The following TNRC6C variants were observed in gnomAD, a reference collection of about 807,000 sequenced individuals.
TNRC6C encodes trinucleotide repeat-containing gene 6C protein.
TNRC6C carries 20 observed loss-of-function variants against 153.7 expected under a neutral mutation model. That is an observed-to-expected ratio of 0.13 (90% CI 0.09 to 0.19). The LOEUF (loss-of-function observed/expected upper bound fraction) is 0.19. TNRC6C is among the 10% of genes least tolerant of loss of function. The pLI, the probability that TNRC6C is intolerant of heterozygous loss-of-function variation, is 1.00. For missense variants in TNRC6C, 1,987 were observed against 2,172.0 expected (o/e 0.91, Z 1.69); for synonymous variants, 811 against 841.4 (o/e 0.96, Z 0.63).
exon 3 of TNRC6C, chr17:78,048,967 G>A: frequency 7.2e-7 from 1 of 1,386,984 alleles, no homozygotes; most frequent in Non-Finnish European, 9.4e-7. Flanking sequence ...TGACAAGGAG[G>A]CGTGGCCTTC....
intron 1 of TNRC6C, among the ~76,000 whole-genome samples, chr17:78,017,591 C>T (rs1321143990): frequency 6.6e-6 from 1 of 152,212 alleles, no homozygotes; most frequent in African/African-American, 2.4e-5. Context: ...GAGTTTCTCT[C>T]TGAAACTGGA....
intron 3 of TNRC6C, among the ~76,000 whole-genome samples, chr17:78,053,559 G>A (rs2072581258): frequency 6.6e-6 from 1 of 151,832 alleles, no homozygotes; most frequent in African/African-American, 2.4e-5. Context: ...AACCCAGGAG[G>A]CGGAGGTTGC....
intron 1 of TNRC6C, among the ~76,000 whole-genome samples, chr17:77,968,355 T>C (rs2070914994): frequency 6.6e-6 from 1 of 150,854 alleles, no homozygotes; most frequent in African/African-American, 2.4e-5. Context: ...TTGTTGTTGT[T>C]GTTTGAGACG....
intron 1 of TNRC6C, among the ~76,000 whole-genome samples, chr17:78,007,091 C>T (rs749265019): frequency 4.3e-4 from 66 of 152,024 alleles, no homozygotes; most frequent in Non-Finnish European, 7.8e-4. Context: ...GATTCCCCCC[C>T]ACCTCGGCCT....
chr17:77,999,268 G>A (rs1260184375), upstream of TNRC6C, among the ~76,000 whole-genome samples: 1 of 152,162 alleles, frequency 6.6e-6, no homozygotes, highest in Non-Finnish European at 1.5e-5. Flanking sequence ...CGAAAGATGG[G>A]TTTCTCTTGG....
intron 1 of TNRC6C, among the ~76,000 whole-genome samples, chr17:77,974,000 A>G (rs1352154861): frequency 7.3e-6 from 1 of 137,396 alleles, no homozygotes; most frequent in South Asian, 2.7e-4. Flanking sequence ...TGACAGGCCA[A>G]TTCTAAAATT....
At chr17:77,958,434 CCGCG>C (rs2070828622), upstream of TNRC6C, among the ~76,000 whole-genome samples, 10 of 151,912 alleles carry the variant, frequency 6.6e-5, no homozygotes, top group Admixed American at 3.3e-4. Context: ...GGCGCGCTCC[CCGCG>C]CGGTGCAGGG....
At chr17:78,000,324 T>C (rs1376174035), upstream of TNRC6C, among the ~76,000 whole-genome samples, 2 of 152,236 alleles carry the variant, frequency 1.3e-5, no homozygotes, top group Middle Eastern at 3.2e-3. Context: ...TTAGATTTTA[T>C]GCTCAAGGCT....
upstream of TNRC6C, chr17:78,005,034 TTCTC>T (rs2071472069): frequency 3.3e-6 from 4 of 1,213,802 alleles, no homozygotes; most frequent in African/African-American, 3.1e-5. Context: ...CTTTCTTTCT[TTCTC>T]TCTCTTTTTT....
At chr17:77,980,675 G>A (rs2071063052) in intron 1 of TNRC6C, among the ~76,000 whole-genome samples, 1 of 152,186 alleles carries the variant, frequency 6.6e-6, no homozygotes, top group African/African-American at 2.4e-5. Context: ...GACACCAGTT[G>A]CAAGTCTGGG....
upstream of TNRC6C, among the ~76,000 whole-genome samples, chr17:78,000,618 G>GCCCC (rs35005797): frequency 1.5e-4 from 2 of 13,044 alleles, no homozygotes; most frequent in African/African-American, 3.5e-4. Flanking sequence ...TTCTCCCTCC[G>GCCCC]CCCCCCCCCC....
intron 3 of TNRC6C, among the ~76,000 whole-genome samples, chr17:78,056,096 C>A (rs1196474515): frequency 6.6e-6 from 1 of 151,948 alleles, no homozygotes; most frequent in Non-Finnish European, 1.5e-5. Context: ...GCCATCCTCT[C>A]ACTTTGGCCT....
rs372976735 is a variant in TNRC6C, at chr17:78,045,650, A to G, written c.-218-3195A>G. 1.5e-4 allele frequency among the ~76,000 whole-genome samples: 23 copies of G among 152,314 alleles called. No individual in the cohort carries two copies. In the South Asian group the frequency reaches 3.9e-3, roughly 26 times the overall value. On this transcript the variant is annotated intron_variant, in intron 2 of 19. Coordinates refer to ENST00000301624, the Ensembl canonical transcript of TNRC6C. ...CCCAGGAAGCATATATTGTTTGCCTATATGTGGCAAGCATTTTGAATGGAA... is the reference window on the plus strand; with the variant it reads ...CCCAGGAAGCATATATTGTTTGCCTGTATGTGGCAAGCATTTTGAATGGAA...
chr17:78,091,257 C>T (rs926705290), intron 13 of TNRC6C, 183 bp from the exon 16 acceptor site: 4 of 519,474 alleles, frequency 7.7e-6, no homozygotes, highest in Admixed American at 9.0e-5. Context: ...ACCTGGGAGG[C>T]GGAGGTTGCA....
chr17:77,972,974 C>T (rs1256169215), intron 1 of TNRC6C, among the ~76,000 whole-genome samples: 5 of 152,206 alleles, frequency 3.3e-5, no homozygotes, highest in East Asian at 3.8e-4. Context: ...GGCACGATCT[C>T]GGCTCACCAC....
chr17:77,976,618 C>G (rs2071000752), intron 1 of TNRC6C, among the ~76,000 whole-genome samples: 1 of 152,008 alleles, frequency 6.6e-6, no homozygotes, highest in Non-Finnish European at 1.5e-5. Context: ...AATATATAGT[C>G]ACTAAGTCAC....
exon 3 of TNRC6C, chr17:78,051,387 C>G: frequency 6.5e-7 from 1 of 1,550,046 alleles, no homozygotes; most frequent in Admixed American, 2.0e-5. Context: ...CACACAGGGT[C>G]GAGACGCCGC....
intron 1 of TNRC6C, among the ~76,000 whole-genome samples, chr17:78,025,760 T>C (rs182996083): frequency 2.8e-4 from 43 of 152,292 alleles, no homozygotes; most frequent in Middle Eastern, 6.8e-3. Flanking sequence ...GGTAAAGAAC[T>C]TTAAAATCTT....
intron 3 of TNRC6C, among the ~76,000 whole-genome samples, chr17:78,060,461 C>T (rs1272533951): frequency 6.8e-6 from 1 of 147,790 alleles, no homozygotes; most frequent in Non-Finnish European, 1.5e-5. Context: ...CATTTTTAAT[C>T]GTTTATCTTT....
Sources: gnomAD v4.1 joint callset for allele counts (sites outside exome capture counted in the v4.1 genomes callset) on GRCh38, gnomAD v4.1.1 for gene constraint, MANE v1.5 for transcripts, NCBI Gene and HGNC (gene_info 2026-07-23, HGNC 2026-07-21) for gene names.